ARL15: variants seen among roughly 807,000 people sequenced by gnomAD.
ARL15 encodes ARF like GTPase 15.
Under a neutral mutation model 25.2 loss-of-function variants are expected in ARL15, and 19 were observed. The observed-to-expected ratio is 0.75, with a 90% confidence interval of 0.53 to 1.10. ARL15 has a LOEUF of 1.10. ARL15 is among the 50% of genes least tolerant of loss of function. ARL15 has a pLI of 0.00. For missense variants in ARL15, 220 were observed against 246.0 expected (o/e 0.89, Z 0.71); for synonymous variants, 94 against 86.8 (o/e 1.08, Z -0.46).
chr5:53,947,522 A>G (rs3822501), intron 4 of ARL15, among the ~76,000 whole-genome samples: 11,924 of 152,226 alleles, frequency 0.078, 564 homozygotes, highest in East Asian at 0.17. Context: ...GTGAATATGT[A>G]GAGCAAACCC....
chr5:54,132,067 A>T (rs1384668467), intron 3 of ARL15, among the ~76,000 whole-genome samples: 1 of 152,190 alleles, frequency 6.6e-6, no homozygotes, highest in East Asian at 1.9e-4. Flanking sequence ...GATAAGAAAC[A>T]AAATTTAAAT....
intron 4 of ARL15, among the ~76,000 whole-genome samples, chr5:54,095,886 C>T (rs1191452908): frequency 1.3e-5 from 2 of 151,658 alleles, no homozygotes; most frequent in African/African-American, 4.8e-5. Flanking sequence ...AATTAGATTA[C>T]ATTTTAAAAA....
intron 4 of ARL15, among the ~76,000 whole-genome samples, chr5:53,998,616 A>G (rs1229677445): frequency 6.6e-6 from 1 of 152,226 alleles, no homozygotes; most frequent in Non-Finnish European, 1.5e-5. Context: ...AAAGAATAAA[A>G]GTGGAATATT....
intron 4 of ARL15, among the ~76,000 whole-genome samples, chr5:53,902,190 T>C (rs889432461): frequency 2.0e-5 from 3 of 152,240 alleles, no homozygotes; most frequent in Admixed American, 6.5e-5. Context: ...TTCAACTTTT[T>C]CTGTTATACG....
intron 1 of ARL15, chr5:54,282,448 T>A: frequency 1.0e-6 from 1 of 985,466 alleles, no homozygotes; most frequent in Non-Finnish European, 1.2e-6. Flanking sequence ...ATCTGTTTTA[T>A]GAGGAAGTGG....
chr5:54,166,464 G>C (rs1041516675), intron 2 of ARL15, among the ~76,000 whole-genome samples: 1 of 152,110 alleles, frequency 6.6e-6, no homozygotes, highest in African/African-American at 2.4e-5. Context: ...GCTTCTCAAA[G>C]TATTGGGATT....
intron 4 of ARL15, among the ~76,000 whole-genome samples, chr5:54,004,737 AT>A (rs1284712637): frequency 1.3e-5 from 2 of 151,956 alleles, no homozygotes; most frequent in African/African-American, 4.8e-5. Context: ...ATGGTTACAA[AT>A]TTGTAGGGGT....
chr5:54,083,669 A>G (rs1158033966), intron 4 of ARL15, among the ~76,000 whole-genome samples: 6 of 152,190 alleles, frequency 3.9e-5, no homozygotes, highest in Admixed American at 3.9e-4. Flanking sequence ...TATTAATAAT[A>G]GATGTAAATG....
chr5:54,245,044 T>C (rs2112584297), intron 1 of ARL15, among the ~76,000 whole-genome samples: 1 of 152,292 alleles, frequency 6.6e-6, no homozygotes, highest in East Asian at 1.9e-4. Flanking sequence ...TTCTTCTGTC[T>C]GGGTATAATT....
At chr5:54,092,074 C>CACACACACACACACACACT (rs1561220828) in intron 4 of ARL15, among the ~76,000 whole-genome samples, 247 of 95,956 alleles carry the variant, frequency 2.6e-3, no homozygotes, top group African/African-American at 9.0e-3. Context: ...ACACACACAC[C>CACACACACACACACACACT]ACCACCACCA....
chr5:54,273,717 C>T (rs1472026115), intron 1 of ARL15, among the ~76,000 whole-genome samples: 2 of 152,038 alleles, frequency 1.3e-5, no homozygotes, highest in Non-Finnish European at 2.9e-5. Flanking sequence ...AAGATTATAC[C>T]GAGTTCAATG....
chr5:54,297,944 G>T (rs965360682), intron 1 of ARL15, among the ~76,000 whole-genome samples: 1 of 152,082 alleles, frequency 6.6e-6, no homozygotes, highest in Non-Finnish European at 1.5e-5. Flanking sequence ...TGCCACGCCC[G>T]GCTAATTTTT....
At chr5:54,027,359 G>C (rs1561194178) in intron 4 of ARL15, among the ~76,000 whole-genome samples, 1 of 152,222 alleles carries the variant, frequency 6.6e-6, no homozygotes, top group Non-Finnish European at 1.5e-5. Flanking sequence ...ATTGTGAATG[G>C]TGAGATTCCT....
At chr5:53,946,361 A>T (rs1230952633) in intron 4 of ARL15, among the ~76,000 whole-genome samples, 1 of 151,390 alleles carries the variant, frequency 6.6e-6, no homozygotes, top group Non-Finnish European at 1.5e-5. Context: ...GAGGCAGGAG[A>T]ACTGCTTGTA....
intron 4 of ARL15, among the ~76,000 whole-genome samples, chr5:54,087,109 G>A (rs1393234648): frequency 6.6e-6 from 1 of 152,106 alleles, no homozygotes; most frequent in Non-Finnish European, 1.5e-5. Flanking sequence ...GGTCAAGGTG[G>A]GCGGATCACG....
chr5:54,254,430 G>T (rs1252740197), intron 1 of ARL15, among the ~76,000 whole-genome samples: 7 of 152,176 alleles, frequency 4.6e-5, no homozygotes, highest in African/African-American at 1.4e-4. Context: ...ACTTCTAGGG[G>T]CTCTGTCACC....
chr5:54,115,052 G>T (rs1414896005), intron 3 of ARL15, among the ~76,000 whole-genome samples: 4 of 152,190 alleles, frequency 2.6e-5, no homozygotes, highest in Non-Finnish European at 5.9e-5. Flanking sequence ...TCTGTGCTCA[G>T]TGACATCCTG....
At chr5:54,106,959 T>C (rs1752606592) in intron 4 of ARL15, among the ~76,000 whole-genome samples, 1 of 152,176 alleles carries the variant, frequency 6.6e-6, no homozygotes, top group African/African-American at 2.4e-5. Flanking sequence ...ATACATCATC[T>C]TGAGGGGGTT....
At chr5:54,287,688 T>A (rs191653264) in intron 1 of ARL15, among the ~76,000 whole-genome samples, 1 of 152,224 alleles carries the variant, frequency 6.6e-6, no homozygotes, top group African/African-American at 2.4e-5. Flanking sequence ...ACATCCTCAT[T>A]TTAAGACTTA....
Sources: gnomAD v4.1 joint callset for allele counts (sites outside exome capture counted in the v4.1 genomes callset) on GRCh38, gnomAD v4.1.1 for gene constraint, MANE v1.5 for transcripts, NCBI Gene and HGNC (gene_info 2026-07-23, HGNC 2026-07-21) for gene names.